Variants in PLA2G7 observed in about 807,000 individuals in gnomAD.
The protein encoded by PLA2G7 is platelet-activating factor acetylhydrolase.
Under a neutral mutation model 49.6 loss-of-function variants are expected in PLA2G7, and 63 were observed. The ratio of observed to expected loss-of-function variants is 1.27; its 90% CI spans 1.04 to 1.57. The LOEUF (loss-of-function observed/expected upper bound fraction) is 1.57. PLA2G7 is among the 40% of genes most tolerant of loss of function. The probability of loss-of-function intolerance (pLI) is 0.00; values close to 1 mark genes in which losing one functional copy is unlikely to be tolerated. For missense variants in PLA2G7, 596 were observed against 521.2 expected (o/e 1.14, Z -1.40); for synonymous variants, 193 against 169.9 (o/e 1.14, Z -1.06).
rs150503662 is a variant in PLA2G7, at chr6:46,726,498, C to A, written c.-34-3573G>T. Among the ~76,000 whole-genome samples the A allele has an allele frequency of 6.6e-5, 10 of 152,138 alleles. No individual in the cohort carries two copies. The East Asian group carries it at 1.7e-3, about 26-fold the overall frequency. ...TGTATTTATATTTAAGAACTAGGAC[C>A]CTGAAAAACTTAATGGTAACTTTAG... On this transcript the variant is annotated intron_variant, in intron 1 of 11. Coordinates refer to ENST00000274793, the MANE Select transcript of PLA2G7 (RefSeq NM_005084.4).
At chr6:46,714,853 A>C (rs951366180) in intron 4 of PLA2G7, among the ~76,000 whole-genome samples, 2 of 149,636 alleles carry the variant, frequency 1.3e-5, no homozygotes, top group Admixed American at 6.7e-5. Context: ...CTCCTGCCTC[A>C]GCCTCCCGAT....
At position 46,704,411 on chromosome 6, in the gene PLA2G7, A is replaced by G. The variant is rs1764712993; in HGVS notation, c.*149T>C. 3.0e-6 allele frequency: 2 copies of G among 663,614 alleles called. No individual in the cohort carries two copies. Among genetic ancestry groups the G allele is most frequent in the Non-Finnish European group, 5.4e-6 (2 of 370,478 alleles). The allele number at this position is 663,614 out of a possible 1,614,324, so 41.1% of individuals were successfully genotyped here. ...ATTACAGTATAGCCTACATTTTAAA[A>G]TATGAGTCCTTTGGGAAAATACATT... On this transcript the variant is annotated 3_prime_UTR_variant, in exon 12 of 12. Coordinates refer to ENST00000274793, the MANE Select transcript of PLA2G7 (RefSeq NM_005084.4).
rs201556978 is a variant in PLA2G7 at position 46,708,127 on chromosome 6, G to T, written c.904C>A (p.Leu302Met). 1.2e-6 allele frequency: 2 copies of T among 1,612,398 alleles called. No homozygotes were observed. The highest frequency in any genetic ancestry group is 1.7e-6 in the Non-Finnish European group (2 of 1,178,606). The change falls in exon 10 of 12, where the codon CTG becomes ATG. Residue 302 changes from leucine to methionine, a missense_variant. By Grantham distance (15) the Leu-to-Met change is conservative. Coordinates refer to ENST00000274793, the MANE Select transcript of PLA2G7 (RefSeq NM_005084.4). ...GIALDAWMFP[L>M]GDEVYSRIPQ... The stretch of plus-strand genomic sequence containing the variant: ...ATTCTGGAATATACTTCATCACCCA[G>T]TGGAAACATCCATGCATCCAGGGCA...
chr6:46,732,097 A>G (rs188009455), intron 1 of PLA2G7, among the ~76,000 whole-genome samples: 13 of 152,032 alleles, frequency 8.6e-5, no homozygotes, highest in East Asian at 1.9e-4. Flanking sequence ...CCCTTGGCCT[A>G]TGAGGGTCTT....
chr6:46,728,576 A>G (rs141690313), intron 1 of PLA2G7, among the ~76,000 whole-genome samples: 49 of 152,364 alleles, frequency 3.2e-4, no homozygotes, highest in African/African-American at 1.2e-3. Context: ...AATTTTGGAA[A>G]TGGGAATTAA....
Position 46,711,571 on chromosome 6 carries a change from T to G in PLA2G7, c.588A>C (p.Ala196=). Residue 196 remains alanine, a synonymous_variant, in exon 7 of 12, where the codon GCA becomes GCC. Coordinates refer to ENST00000274793, the MANE Select transcript of PLA2G7 (RefSeq NM_005084.4). ...ATYYFKDQSA[A]EIGDKSWLYL... is the part of the protein sequence containing the mutation. ...AGAGCCAAGACTTGTCCCCTATTTC[T>G]GCAGCAGATTGGTCCTTGAAATAGT... 6.2e-7 allele frequency: 1 copy of G among 1,613,632 alleles called. No homozygotes were observed.
chr6:46,735,051 A>T (rs537633701), intron 1 of PLA2G7, 129 bp downstream of exon 1: 7 of 152,096 alleles, frequency 4.6e-5, no homozygotes, highest in African/African-American at 1.7e-4. Flanking sequence ...TGAGCCCAGG[A>T]CCGGCCAGCA....
rs139110249 is a variant in PLA2G7 at position 46,717,027 on chromosome 6, T to A, written c.179A>T (p.Asn60Ile). ...SFGQTKIPRG[N>I]GPYSVGCTDL... is the part of the protein sequence containing the mutation. ...TGTACAACCAACGGAATAAGGCCCA[T>A]TTCCCCGGGGGATTTTAGTTTGGCC... is the stretch of plus-strand genomic sequence containing the variant. The change falls in exon 3 of 12, where the codon AAT (asparagine) becomes ATT (isoleucine). Residue 60 changes from asparagine (N) to isoleucine (I), a missense_variant. Asn to Ile is a moderately radical substitution (Grantham distance 149). Transcript: ENST00000274793. The A allele has an allele frequency of 1.4e-5, 23 of 1,613,576 alleles. No individual in the cohort carries two copies. The African/African-American group carries it at 2.8e-4, about 20-fold the overall frequency.
intron 9 of PLA2G7, 26 bp downstream of exon 9, chr6:46,709,301 C>A (rs771004288): frequency 8.0e-7 from 1 of 1,246,400 alleles, no homozygotes; most frequent in Admixed American, 1.7e-5. Context: ...TTACTATTCT[C>A]TTGCTTTACT....
At position 46,716,376 on chromosome 6, in the gene PLA2G7, AATCTT is replaced by A; in HGVS notation, c.376+3_376+7del. On this transcript the variant is annotated splice_donor_5th_base_variant and intron_variant, in intron 4 of 11. Coordinates refer to ENST00000274793, the MANE Select transcript of PLA2G7 (RefSeq NM_005084.4). ...GAGCCTACAAAGAAGGATCAACAGA[AATCTT>A]ACCAAAGAGTAACCTCAAAATGTTG... is the stretch of plus-strand genomic sequence containing the variant. 1.2e-6 allele frequency: 2 copies of A among 1,614,016 alleles called. No individual in the cohort carries two copies. Among genetic ancestry groups the A allele is most frequent in the Non-Finnish European group, 1.7e-6 (2 of 1,179,898 alleles).
At chr6:46,717,199 G>T (rs920304188) in intron 2 of PLA2G7, 103 bp from the exon 3 acceptor site, 2 of 1,081,570 alleles carry the variant, frequency 1.8e-6, no homozygotes, top group South Asian at 2.5e-5. Flanking sequence ...ATAGTTTCTG[G>T]CCTTCTTTCT....
At chr6:46,726,454 G>T (rs571298998) in intron 1 of PLA2G7, among the ~76,000 whole-genome samples, 1 of 152,168 alleles carries the variant, frequency 6.6e-6, no homozygotes, top group African/African-American at 2.4e-5. Flanking sequence ...TCAACCATGG[G>T]ATATGAGTTA....
At chr6:46,728,530 C>T (rs1282308491) in intron 1 of PLA2G7, among the ~76,000 whole-genome samples, 1 of 152,196 alleles carries the variant, frequency 6.6e-6, no homozygotes, top group Non-Finnish European at 1.5e-5. Flanking sequence ...AGATGCAAAA[C>T]CTGCAAGTAA....
chr6:46,709,127 G>A (rs1582564224), intron 9 of PLA2G7, among the ~76,000 whole-genome samples, 200 bp downstream of exon 9: 2 of 152,236 alleles, frequency 1.3e-5, no homozygotes, highest in Admixed American at 1.3e-4. Context: ...ATGGGAGTAG[G>A]GGGAGATTTT....
At chr6:46,717,932 G>T (rs1303454591) in intron 2 of PLA2G7, among the ~76,000 whole-genome samples, 2 of 152,176 alleles carry the variant, frequency 1.3e-5, no homozygotes, top group Admixed American at 6.5e-5. Context: ...TGGCCAGAAT[G>T]GTCTTGATCT....
Position 46,717,090 on chromosome 6 carries a change from A to G in PLA2G7, c.116T>C (p.Val39Ala), listed in dbSNP as rs780984216. The change falls in exon 3 of 12, where the codon GTC becomes GCC. Residue 39 changes from valine to alanine, a missense_variant. Physicochemically the swap from Val to Ala is moderately conservative, Grantham distance 64. Transcript: ENST00000274793. Reference sequence around the variant, plus strand: ...AGCCATCAGTACTTGTATTTTGTTGACCCATGCTGAAAAACAGGTAAATAT... The same window carrying G: ...AGCCATCAGTACTTGTATTTTGTTGGCCCATGCTGAAAAACAGGTAAATAT... ...PVAHMKSSAW[V>A]NKIQVLMAAA... 38 of 1,613,400 alleles carry G rather than the reference A, an allele frequency of 2.4e-5. No individual in the cohort carries two copies. Among genetic ancestry groups the G allele is most frequent in the Non-Finnish European group, 3.1e-5 (36 of 1,179,438 alleles).
chr6:46,708,189 A>C (rs751124531), intron 9 of PLA2G7, 28 bp from the exon 10 acceptor site: 1 of 1,569,044 alleles, frequency 6.4e-7, no homozygotes, highest in South Asian at 1.1e-5. Flanking sequence ...CAATGATGAA[A>C]TTAAACTGGT....
chr6:46,705,413 G>A, intron 10 of PLA2G7, 112 bp from the exon 11 acceptor site: 1 of 848,474 alleles, frequency 1.2e-6, no homozygotes, highest in Non-Finnish European at 1.9e-6. Flanking sequence ...GAAAACCAAA[G>A]AAGAAATAAA....
intron 10 of PLA2G7, among the ~76,000 whole-genome samples, chr6:46,707,755 A>G (rs1004217025): frequency 1.3e-5 from 2 of 152,196 alleles, no homozygotes; most frequent in African/African-American, 4.8e-5. Context: ...GTATTTCCAT[A>G]TAGCAATGCA....
Sources: allele counts gnomAD v4.1 joint callset (sites outside exome capture counted in the v4.1 genomes callset), GRCh38; gene constraint gnomAD v4.1.1; transcripts MANE v1.5; gene names NCBI Gene and HGNC (gene_info 2026-07-23, HGNC 2026-07-21).